SLC25A21: variants seen among roughly 807,000 people sequenced by gnomAD.
SLC25A21 encodes mitochondrial 2-oxodicarboxylate carrier.
A neutral mutation model predicts 43.8 loss-of-function variants in SLC25A21; 47 were observed. That is an observed-to-expected ratio of 1.07 (90% CI 0.85 to 1.37). The LOEUF (loss-of-function observed/expected upper bound fraction) is 1.37. SLC25A21 is among the 40% of genes most tolerant of loss of function. The pLI, the probability that SLC25A21 is intolerant of heterozygous loss-of-function variation, is 0.00. For synonymous variants in SLC25A21, 131 were observed against 121.3 expected (o/e 1.08, Z -0.52); for missense variants, 352 against 350.2 (o/e 1.00, Z -0.04).
intron 1 of SLC25A21, among the ~76,000 whole-genome samples, chr14:37,013,855 A>G (rs1431892179): frequency 6.6e-6 from 1 of 152,140 alleles, no homozygotes; most frequent in Non-Finnish European, 1.5e-5. Flanking sequence ...GACCATTGCA[A>G]TAAAGCAAGT....
chr14:36,731,084 TGCCTCA>T (rs1344815685), intron 4 of SLC25A21, among the ~76,000 whole-genome samples: 1 of 151,622 alleles, frequency 6.6e-6, no homozygotes, highest in East Asian at 1.9e-4. Flanking sequence ...GCCATTCTCC[TGCCTCA>T]GCCTCCCGAG....
At chr14:37,022,455 T>C (rs181024237) in intron 1 of SLC25A21, among the ~76,000 whole-genome samples, 195 of 152,052 alleles carry the variant, frequency 1.3e-3, no homozygotes, top group African/African-American at 4.2e-3. Flanking sequence ...GTCAATTCCA[T>C]AAAAAAATCC....
At chr14:37,039,782 T>C (rs1169998866) in intron 1 of SLC25A21, among the ~76,000 whole-genome samples, 1 of 152,186 alleles carries the variant, frequency 6.6e-6, no homozygotes, top group Non-Finnish European at 1.5e-5. Context: ...TGACAATTAC[T>C]GTAGAGCTTA....
intron 1 of SLC25A21, among the ~76,000 whole-genome samples, chr14:37,162,684 C>T (rs1963965853): frequency 6.6e-6 from 1 of 152,284 alleles, no homozygotes; most frequent in Non-Finnish European, 1.5e-5. Context: ...CACTTTTACA[C>T]TGTTGGTGGG....
intron 3 of SLC25A21, among the ~76,000 whole-genome samples, chr14:36,754,882 G>A (rs545391457): frequency 2.0e-5 from 3 of 152,230 alleles, no homozygotes; most frequent in Non-Finnish European, 4.4e-5. Context: ...CAAAATCGGT[G>A]GCAAAGGAAG....
At chr14:37,077,137 G>A (rs1321529153) in intron 1 of SLC25A21, among the ~76,000 whole-genome samples, 1 of 152,124 alleles carries the variant, frequency 6.6e-6, no homozygotes, top group African/African-American at 2.4e-5. Flanking sequence ...TTTGCCAGAA[G>A]ATATAGTCAA....
chr14:37,053,386 T>G (rs1406967419), intron 1 of SLC25A21, among the ~76,000 whole-genome samples: 4 of 152,148 alleles, frequency 2.6e-5, no homozygotes, highest in African/African-American at 4.8e-5. Context: ...AGACATCAAC[T>G]TGTGATGAAC....
At chr14:37,000,687 G>A (rs1168308781) in intron 1 of SLC25A21, among the ~76,000 whole-genome samples, 2 of 152,180 alleles carry the variant, frequency 1.3e-5, no homozygotes, top group Non-Finnish European at 2.9e-5. Flanking sequence ...TGTCAGGGGA[G>A]GGACCTGGTG....
At chr14:36,965,355 GTCTC>G (rs1456336683) in intron 1 of SLC25A21, among the ~76,000 whole-genome samples, 1 of 151,890 alleles carries the variant, frequency 6.6e-6, no homozygotes, top group Non-Finnish European at 1.5e-5. Context: ...TTTTTAATAA[GTCTC>G]TCAATCATAT....
At chr14:37,122,051 T>C (rs190434042) in intron 1 of SLC25A21, among the ~76,000 whole-genome samples, 33 of 152,294 alleles carry the variant, frequency 2.2e-4, no homozygotes, top group Non-Finnish European at 3.7e-4. Context: ...AACCACCTTA[T>C]CTCCAGAACC....
chr14:36,875,130 A>G, intron 1 of SLC25A21, 126 bp from the exon 2 acceptor site: 1 of 607,418 alleles, frequency 1.6e-6, no homozygotes, highest in Non-Finnish European at 2.9e-6. Flanking sequence ...TATGACAGCT[A>G]ATAGTAATAG....
chr14:37,163,980 G>T (rs536172534), intron 1 of SLC25A21, among the ~76,000 whole-genome samples: 33 of 152,124 alleles, frequency 2.2e-4, no homozygotes, highest in Non-Finnish European at 4.6e-4. Flanking sequence ...GAAACACCTG[G>T]TTCTCAATAC....
At chr14:36,862,487 T>C (rs1040098902) in intron 2 of SLC25A21, among the ~76,000 whole-genome samples, 4 of 152,168 alleles carry the variant, frequency 2.6e-5, no homozygotes, top group African/African-American at 9.7e-5. Flanking sequence ...GAAACCATCA[T>C]TCTCAGCAAA....
chr14:36,702,456 C>A (rs1883315681), intron 7 of SLC25A21, among the ~76,000 whole-genome samples: 1 of 109,616 alleles, frequency 9.1e-6, no homozygotes. Flanking sequence ...CTGGGCAACA[C>A]AGGGAGATCC....
At chr14:37,101,026 TAAATA>T (rs1262476413) in intron 1 of SLC25A21, among the ~76,000 whole-genome samples, 2 of 152,172 alleles carry the variant, frequency 1.3e-5, no homozygotes, top group Non-Finnish European at 2.9e-5. Flanking sequence ...ACTAAGAAAT[TAAATA>T]AAATAATCTA....
chr14:36,863,433 C>T (rs1261584178), intron 2 of SLC25A21, among the ~76,000 whole-genome samples: 1 of 151,926 alleles, frequency 6.6e-6, no homozygotes, highest in Non-Finnish European at 1.5e-5. Flanking sequence ...AGAGATTACA[C>T]ACTTTACAAA....
At chr14:36,683,477 C>T (rs908996155) in intron 9 of SLC25A21, among the ~76,000 whole-genome samples, 2 of 152,204 alleles carry the variant, frequency 1.3e-5, no homozygotes, top group African/African-American at 4.8e-5. Context: ...AAACGTTTGA[C>T]TGGGCTGGTC....
chr14:36,915,373 A>G (rs920630055), intron 1 of SLC25A21, among the ~76,000 whole-genome samples: 1 of 152,178 alleles, frequency 6.6e-6, no homozygotes, highest in Admixed American at 6.6e-5. Context: ...AAACTTAATT[A>G]TAGCAGAAGC....
At chr14:36,725,205 G>C (rs2139211771) in intron 6 of SLC25A21, 1 of 153,084 alleles carries the variant, frequency 6.5e-6, no homozygotes, top group Admixed American at 6.5e-5. Flanking sequence ...TGGGCGTGGT[G>C]GCTCACGCCT....
Sources: allele counts gnomAD v4.1 joint callset (sites outside exome capture counted in the v4.1 genomes callset), GRCh38; gene constraint gnomAD v4.1.1; transcripts MANE v1.5; gene names NCBI Gene and HGNC (gene_info 2026-07-23, HGNC 2026-07-21).